SLIT3: variants seen among roughly 807,000 people sequenced by gnomAD.
SLIT3 encodes the protein slit homolog 3 protein.
Under a neutral mutation model 184.0 loss-of-function variants are expected in SLIT3, and 68 were observed. That is an observed-to-expected ratio of 0.37 (90% CI 0.30 to 0.45). The LOEUF (loss-of-function observed/expected upper bound fraction) is 0.45, where lower values mean the gene tolerates loss of function less well. Ranked by LOEUF, SLIT3 falls within the 20% of genes least tolerant of loss-of-function variation. The pLI, the probability that SLIT3 is intolerant of heterozygous loss-of-function variation, is 1.00. For missense variants in SLIT3, 1,707 were observed against 2,026.0 expected, an observed-to-expected ratio of 0.84 and a Z score of 3.02; for synonymous variants, 831 against 828.6, an observed-to-expected ratio of 1.00 and a Z score of -0.05.
chr5:169,173,038 G>A (rs1030027932), intron 4 of SLIT3, among the ~76,000 whole-genome samples: 1 of 152,158 alleles, frequency 6.6e-6, no homozygotes, highest in Non-Finnish European at 1.5e-5. Context: ...CAGAGGGGTG[G>A]ATACCTTGAG....
intron 5 of SLIT3, among the ~76,000 whole-genome samples, chr5:168,853,101 C>T (rs1399849037): frequency 1.3e-5 from 2 of 152,160 alleles, no homozygotes. Context: ...CTTCTTCTTC[C>T]ATCCCAGACC....
At position 168,673,264 on chromosome 5, in the gene SLIT3, G is replaced by C. The variant is rs1158626452; in HGVS notation, c.3754C>G (p.Leu1252Val). ...ELVTLNQTLN[L>V]VVDKGTPKSL... is the part of the protein sequence containing the mutation. ...TTTGGAGTTCCTTTGTCCACTACTAGGTTCAGGGTCTGGTTTAGCGTCACC... is the reference window on the plus strand; with the variant it reads ...TTTGGAGTTCCTTTGTCCACTACTACGTTCAGGGTCTGGTTTAGCGTCACC... Residue 1252 changes from leucine to valine, a missense_variant, in exon 33 of 36, where the codon CTA (leucine) becomes GTA (valine). Leu to Val is a conservative substitution (Grantham distance 32, BLOSUM62 1). Around this residue, in one of 3 missense-constraint regions of SLIT3, gnomAD observed 387 missense variants for 477.9 expected, o/e 0.81. Coordinates refer to ENST00000519560, the MANE Select transcript of SLIT3 (RefSeq NM_003062.4). 6.2e-7 allele frequency: 1 copy of C among 1,614,120 alleles called. No individual in the cohort carries two copies. The highest frequency in any genetic ancestry group is 1.1e-5 in the South Asian group (1 of 91,080).
rs141592342 is a variant in SLIT3, at chr5:168,780,612, C to T, written c.1151+5295G>A. Reference sequence around the variant, plus strand: ...TAGTTATCACCTCTACACATTGGCACGAACGCTTAGTGAAGACACCAACTA... The same window carrying T: ...TAGTTATCACCTCTACACATTGGCATGAACGCTTAGTGAAGACACCAACTA... On this transcript the variant is annotated intron_variant, in intron 12 of 35. Coordinates refer to ENST00000519560, the MANE Select transcript of SLIT3 (RefSeq NM_003062.4). Among the ~76,000 whole-genome samples the T allele has an allele frequency of 2.4e-4, 36 of 152,298 alleles. No individual in the cohort carries two copies. The East Asian group carries it at 6.4e-3, about 27-fold the overall frequency.
intron 4 of SLIT3, among the ~76,000 whole-genome samples, chr5:168,904,197 G>T (rs755093581): frequency 6.6e-6 from 1 of 152,062 alleles, no homozygotes; most frequent in Non-Finnish European, 1.5e-5. Flanking sequence ...AGTTTTGTTC[G>T]CCTGCACTTG....
At chr5:168,792,484 T>C (rs1756412774) in intron 10 of SLIT3, 1 of 152,228 alleles carries the variant, frequency 6.6e-6, no homozygotes, top group Admixed American at 6.5e-5. Flanking sequence ...ACGTTGGTCC[T>C]CTGGGGCTTA....
chr5:168,999,514 A>T (rs1471024756), intron 4 of SLIT3, among the ~76,000 whole-genome samples: 1 of 151,538 alleles, frequency 6.6e-6, no homozygotes, highest in Non-Finnish European at 1.5e-5. Context: ...CCAATTCCAG[A>T]CCCATGTGAA....
intron 4 of SLIT3, among the ~76,000 whole-genome samples, chr5:168,948,813 G>C (rs937900745): frequency 5.9e-5 from 9 of 152,206 alleles, no homozygotes; most frequent in African/African-American, 2.2e-4. Context: ...AAAGACATCT[G>C]TGAGCACCGC....
chr5:169,228,501 C>T (rs998157456), intron 3 of SLIT3, among the ~76,000 whole-genome samples: 16 of 152,294 alleles, frequency 1.1e-4, no homozygotes, highest in Admixed American at 7.8e-4. Context: ...GGAAGCAATG[C>T]AACACCAGAG....
At chr5:168,769,223 C>A (rs1755457782) in intron 14 of SLIT3, among the ~76,000 whole-genome samples, 1 of 152,076 alleles carries the variant, frequency 6.6e-6, no homozygotes, top group Non-Finnish European at 1.5e-5. Flanking sequence ...GTGAGGGTAC[C>A]CAGTTTTTAT....
chr5:169,025,411 T>G (rs995190117), intron 4 of SLIT3, among the ~76,000 whole-genome samples: 5 of 152,164 alleles, frequency 3.3e-5, no homozygotes, highest in African/African-American at 9.7e-5. Flanking sequence ...AGAAACCAAA[T>G]CTGTTGGGTC....
intron 30 of SLIT3, 83 bp downstream of exon 30, chr5:168,686,896 A>G: frequency 6.4e-7 from 1 of 1,552,586 alleles, no homozygotes; most frequent in Non-Finnish European, 8.8e-7. Context: ...CTGAGTCTCC[A>G]TTCTGGCCAC....
intron 4 of SLIT3, among the ~76,000 whole-genome samples, chr5:168,895,690 T>A (rs1581188246): frequency 6.6e-6 from 1 of 152,226 alleles, no homozygotes; most frequent in East Asian, 1.9e-4. Flanking sequence ...CTATTTATTG[T>A]TCCATTCAAA....
At chr5:169,108,493 AG>A (rs1422953203) in intron 4 of SLIT3, among the ~76,000 whole-genome samples, 2 of 152,238 alleles carry the variant, frequency 1.3e-5, no homozygotes, top group African/African-American at 4.8e-5. Context: ...GGAAAGGTAG[AG>A]GCAGATGAAG....
intron 32 of SLIT3, 28 bp from the exon 33 acceptor site, chr5:168,673,359 G>T: frequency 6.2e-7 from 1 of 1,611,582 alleles, no homozygotes; most frequent in Non-Finnish European, 8.5e-7. Context: ...GGAGAAAGCC[G>T]GAGAGTTCAC....
At chr5:169,196,483 T>C (rs1327058769) in intron 3 of SLIT3, among the ~76,000 whole-genome samples, 3 of 152,130 alleles carry the variant, frequency 2.0e-5, no homozygotes, top group Non-Finnish European at 4.4e-5. Flanking sequence ...GTGATGATAA[T>C]GGTATGGATT....
chr5:168,811,631 T>G (rs981025411), intron 8 of SLIT3, among the ~76,000 whole-genome samples: 13 of 152,210 alleles, frequency 8.5e-5, no homozygotes, highest in Non-Finnish European at 1.9e-4. Context: ...TGTTTCTTTC[T>G]TTCCATCTTT....
At chr5:169,187,011 C>T (rs1763366318) in intron 4 of SLIT3, among the ~76,000 whole-genome samples, 1 of 107,924 alleles carries the variant, frequency 9.3e-6, no homozygotes, top group African/African-American at 3.1e-5. Context: ...GCCTCAGTGG[C>T]ATTTTTTTTT....
In SLIT3 at chr5:168,685,685, A is replaced by G; in HGVS notation, c.3555+2T>C. The G allele has an allele frequency of 6.4e-7, 1 of 1,552,104 alleles. No homozygotes were observed. Among genetic ancestry groups the G allele is most frequent in the Non-Finnish European group, 8.7e-7 (1 of 1,144,674 alleles). On this transcript the variant is annotated splice_donor_variant, in intron 31 of 35. Coordinates refer to ENST00000519560, the MANE Select transcript of SLIT3 (RefSeq NM_003062.4). LOFTEE classifies it high-confidence loss of function. ...CCAAGGGCAGGGCAGGGCGGGACAC[A>G]CCTGCAGGGAGATGTTGGCCTGGGG...
chr5:168,941,782 TCTGAACATAA>T, intron 4 of SLIT3, among the ~76,000 whole-genome samples: 1 of 152,310 alleles, frequency 6.6e-6, no homozygotes, highest in Admixed American at 6.5e-5. Context: ...TCAGAGCCCC[TCTGAACATAA>T]CTTTCCTGGT....
Sources: gnomAD v4.1 joint callset for allele counts (sites outside exome capture counted in the v4.1 genomes callset) on GRCh38, gnomAD v4.1.1 for gene constraint, gnomAD v4.1.1 regional missense constraint, MANE v1.5 for transcripts, NCBI Gene and HGNC (gene_info 2026-07-23, HGNC 2026-07-21) for gene names.